TRIM24: variants seen among roughly 807,000 people sequenced by gnomAD.
TRIM24 encodes transcription intermediary factor 1-alpha.
A neutral mutation model predicts 123.9 loss-of-function variants in TRIM24; 29 were observed. That is an observed-to-expected ratio of 0.23 (90% CI 0.17 to 0.32). The LOEUF (loss-of-function observed/expected upper bound fraction) is 0.32, where lower values mean the gene tolerates loss of function less well. TRIM24 is among the 10% of genes least tolerant of loss of function. The probability of loss-of-function intolerance (pLI) is 1.00; values close to 1 mark genes in which losing one functional copy is unlikely to be tolerated. For synonymous variants in TRIM24, 456 were observed against 461.1 expected, an observed-to-expected ratio of 0.99 and a Z score of 0.14; for missense variants, 932 against 1,295.3, an observed-to-expected ratio of 0.72 and a Z score of 4.31.
intron 1 of TRIM24, among the ~76,000 whole-genome samples, chr7:138,498,082 G>A (rs913896213): frequency 7.3e-5 from 11 of 151,618 alleles, no homozygotes; most frequent in East Asian, 1.9e-4. Context: ...GTGCAGTGGC[G>A]CAATCTCAGC....
chr7:138,587,554 A>C lies in TRIM24; in HGVS notation c.*2603A>C, dbSNP rs895399800. On this transcript the variant is annotated 3_prime_UTR_variant, in exon 19 of 19. Transcript: ENST00000343526. ...ACACTCACTTATCAAGCATTCCCCC[A>C]AAAGTTCAGTGCGATTCAGGTAACC... is the stretch of plus-strand genomic sequence containing the variant. The C allele has an allele frequency of 6.6e-6, 1 of 152,200 alleles. No individual in the cohort carries two copies. Among genetic ancestry groups the C allele is most frequent in the African/African-American group, 2.4e-5 (1 of 41,454 alleles). The allele number at this position is 152,200 out of a possible 1,614,324, so 9.4% of individuals were successfully genotyped here.
chr7:138,530,157 T>C (rs967393314), intron 6 of TRIM24, among the ~76,000 whole-genome samples: 23 of 151,830 alleles, frequency 1.5e-4, no homozygotes, highest in African/African-American at 4.1e-4. Flanking sequence ...AGTTATTTAG[T>C]GAGGAAGTAT....
intron 8 of TRIM24, among the ~76,000 whole-genome samples, chr7:138,553,540 C>T (rs1263177007): frequency 2.0e-5 from 3 of 152,066 alleles, no homozygotes; most frequent in African/African-American, 7.2e-5. Flanking sequence ...AAGCTTGATT[C>T]AGGCCTTTCA....
chr7:138,558,641 G>A (rs893007311), intron 9 of TRIM24, among the ~76,000 whole-genome samples: 6 of 152,182 alleles, frequency 3.9e-5, no homozygotes, highest in Non-Finnish European at 8.8e-5. Flanking sequence ...CAAAAACTCG[G>A]AACTGTTGGG....
intron 5 of TRIM24, among the ~76,000 whole-genome samples, chr7:138,526,690 C>T (rs890220559): frequency 2.0e-5 from 3 of 152,246 alleles, no homozygotes; most frequent in East Asian, 1.9e-4. Flanking sequence ...GGATTACAGG[C>T]GTGAGCCACC....
chr7:138,538,135 A>G (rs2116607624), intron 6 of TRIM24, among the ~76,000 whole-genome samples: 1 of 152,342 alleles, frequency 6.6e-6, no homozygotes, highest in East Asian at 1.9e-4. Context: ...TCAATAGACA[A>G]ATAATATGAT....
intron 9 of TRIM24, 135 bp downstream of exon 9, chr7:138,555,101 C>T: frequency 1.1e-6 from 1 of 915,424 alleles, no homozygotes; most frequent in Non-Finnish European, 1.6e-6. Flanking sequence ...ATTAAGGATC[C>T]CTGATTTAAT....
At chr7:138,553,416 A>T (rs1258129245) in intron 8 of TRIM24, among the ~76,000 whole-genome samples, 1 of 152,168 alleles carries the variant, frequency 6.6e-6, no homozygotes, top group South Asian at 2.1e-4. Context: ...ACATACACAT[A>T]TACCTTCTTG....
At chr7:138,560,532 G>A (rs563906325) in intron 9 of TRIM24, among the ~76,000 whole-genome samples, 1 of 152,308 alleles carries the variant, frequency 6.6e-6, no homozygotes, top group South Asian at 2.1e-4. Flanking sequence ...TCCTGGGGCC[G>A]AGTGGGCCCT....
At position 138,567,637 on chromosome 7, in the gene TRIM24, C is replaced by CA; in HGVS notation, c.1689dup (p.Gln564ThrfsTer32). 1 of 1,610,194 alleles carries CA rather than the reference C, an allele frequency of 6.2e-7. No individual in the cohort carries two copies. ...CCCCCTACAGATGGCTTTCTTGGCT[C>CA]AACAAGCCATAAAACAGGTATATAT... On this transcript the variant is annotated frameshift_variant, in exon 10 of 19. Transcript: ENST00000343526. LOFTEE classifies it high-confidence loss of function.
chr7:138,563,433 C>G (rs368955023), intron 9 of TRIM24, among the ~76,000 whole-genome samples: 1 of 152,150 alleles, frequency 6.6e-6, no homozygotes, highest in African/African-American at 2.4e-5. Flanking sequence ...CGTCTGTGCC[C>G]GTGTCCACAT....
chr7:138,538,662 T>C lies in TRIM24; in HGVS notation c.1002T>C (p.Leu334=), dbSNP rs142741577. The C allele has an allele frequency of 4.6e-5, 74 of 1,614,074 alleles. No homozygotes were observed. In the African/African-American group the frequency reaches 7.6e-4, roughly 17 times the overall value. ...GKALLHQLES[L]AKDHRMKLMQ... ...AACTATTTTCTTGTTTTCAGAGCCT[T>C]GCAAAGGACCATCGCATGAAACTTA... Residue 334 remains leucine (L), a synonymous_variant, in exon 7 of 19, where the codon CTT becomes CTC. Coordinates refer to ENST00000343526, the MANE Select transcript of TRIM24 (RefSeq NM_015905.3).
Position 138,581,646 on chromosome 7 carries a change from AATTC to A in TRIM24, c.2719-47_2719-44del, listed in dbSNP as rs765561155. On this transcript the variant is annotated intron_variant, in intron 16 of 18. Coordinates refer to ENST00000343526, the MANE Select transcript of TRIM24 (RefSeq NM_015905.3). ...AGATTGTTATTTAAAATAAGCTGTGAATTCATTGTTTTATAATATTTTATCTCAG... is the reference window on the plus strand; with the variant it reads ...AGATTGTTATTTAAAATAAGCTGTGAATTGTTTTATAATATTTTATCTCAG... 9.6e-6 allele frequency: 14 copies of A among 1,454,014 alleles called. No homozygotes were observed. The African/African-American group carries it at 9.9e-5, about 10-fold the overall frequency. The allele number at this position is 1,454,014 out of a possible 1,614,324, so 90.1% of individuals were successfully genotyped here. A position where few individuals can be genotyped will look rare whatever the true frequency, so the allele number is the denominator to read the frequency against.
chr7:138,481,948 T>C (rs1237303058), intron 1 of TRIM24, among the ~76,000 whole-genome samples: 1 of 152,224 alleles, frequency 6.6e-6, no homozygotes, highest in Non-Finnish European at 1.5e-5. Context: ...CTACCTGCTA[T>C]CCAAGCCCCA....
chr7:138,575,825 G>A (rs1797746487), intron 12 of TRIM24, among the ~76,000 whole-genome samples: 1 of 151,796 alleles, frequency 6.6e-6, no homozygotes, highest in Non-Finnish European at 1.5e-5. Flanking sequence ...TCCCTCTTTT[G>A]TTTATTGCCT....
At chr7:138,520,984 G>A (rs1796493564) in intron 4 of TRIM24, among the ~76,000 whole-genome samples, 2 of 152,168 alleles carry the variant, frequency 1.3e-5, no homozygotes, top group Admixed American at 1.3e-4. Context: ...AAGGCATTCA[G>A]CCCATATTTA....
chr7:138,573,422 AG>A (rs1797696367), intron 11 of TRIM24, 84 bp from the exon 12 acceptor site: 5 of 1,220,476 alleles, frequency 4.1e-6, no homozygotes, highest in Non-Finnish European at 5.5e-6. Flanking sequence ...ATAATTATTA[AG>A]TTATTGAAGC....
At position 138,536,943 on chromosome 7, in the gene TRIM24, G is replaced by A. The variant is rs562808066; in HGVS notation, c.997-1714G>A. ...GCGCCCCTTCCCCAGCCTCGCTGCCGCCTTGCAGTTCGATCTCAGACTGCT... is the reference window on the plus strand; with the variant it reads ...GCGCCCCTTCCCCAGCCTCGCTGCCACCTTGCAGTTCGATCTCAGACTGCT... On this transcript the variant is annotated intron_variant, in intron 6 of 18. Transcript: ENST00000343526. Among the ~76,000 whole-genome samples, 26 of 152,284 alleles carry A rather than the reference G, an allele frequency of 1.7e-4. No individual in the cohort carries two copies. In the South Asian group the frequency reaches 1.9e-3, roughly 11 times the overall value.
chr7:138,529,140 A>G lies in TRIM24; in HGVS notation c.906A>G (p.Gln302=). 6.4e-7 allele frequency: 1 copy of G among 1,558,226 alleles called. No homozygotes were observed. Residue 302 remains glutamine, a synonymous_variant, in exon 6 of 19, where the codon CAA becomes CAG. Transcript: ENST00000343526. The part of the protein sequence containing the change: ...QNRIIEVNQN[Q]KQVEQDIKVA... ...GAATTATTGAAGTAAATCAAAATCA[A>G]AAGCAGGTGGAACAGGATATTAAAG...
Sources: allele counts gnomAD v4.1 joint callset (sites outside exome capture counted in the v4.1 genomes callset), GRCh38; gene constraint gnomAD v4.1.1; transcripts MANE v1.5; gene names NCBI Gene and HGNC (gene_info 2026-07-23, HGNC 2026-07-21).